Variants in HMGCLL1 observed in about 807,000 individuals in gnomAD.
HMGCLL1 encodes the protein 3-hydroxy-3-methylglutaryl-CoA lyase like 1.
HMGCLL1 carries 36 observed loss-of-function variants against 39.1 expected under a neutral mutation model. That is an observed-to-expected ratio of 0.92 (90% confidence interval 0.71 to 1.22). HMGCLL1 has a LOEUF of 1.22. HMGCLL1 is among the 50% of genes most tolerant of loss of function. HMGCLL1 has a pLI of 0.00. For synonymous variants in HMGCLL1, 149 were observed against 144.0 expected (o/e 1.03, Z -0.25); for missense variants, 451 against 416.5 (o/e 1.08, Z -0.72).
At chr6:55,670,333 C>G in the HMGCLL1 span, among the ~76,000 whole-genome samples, 1 of 151,574 alleles carries the variant, frequency 6.6e-6, no homozygotes, top group Non-Finnish European at 1.5e-5. Flanking sequence ...AGCAGGCCTG[C>G]TATTTAATAA....
intron 1 of HMGCLL1, among the ~76,000 whole-genome samples, chr6:55,545,944 T>C (rs904999408): frequency 2.0e-5 from 3 of 152,124 alleles, no homozygotes; most frequent in African/African-American, 7.2e-5. Flanking sequence ...AACACCAGCA[T>C]ATGCAATGGC....
chr6:55,648,952 A>G, the HMGCLL1 span, among the ~76,000 whole-genome samples: 1 of 151,246 alleles, frequency 6.6e-6, no homozygotes, highest in South Asian at 2.1e-4. Context: ...ATGAACATTG[A>G]TGCAAAAATC....
the HMGCLL1 span, among the ~76,000 whole-genome samples, chr6:55,620,182 TA>T: frequency 3.3e-5 from 5 of 152,162 alleles, no homozygotes; most frequent in South Asian, 4.1e-4. Flanking sequence ...GATACACTGA[TA>T]TTTTTTTCTC....
At chr6:55,626,784 G>T in the HMGCLL1 span, among the ~76,000 whole-genome samples, 1 of 151,988 alleles carries the variant, frequency 6.6e-6, no homozygotes, top group Non-Finnish European at 1.5e-5. Context: ...GACACTTTGG[G>T]CTCCTCCTAC....
At chr6:55,616,141 A>G in the HMGCLL1 span, among the ~76,000 whole-genome samples, 3 of 152,212 alleles carry the variant, frequency 2.0e-5, no homozygotes, top group Non-Finnish European at 2.9e-5. Flanking sequence ...TGTAACATTG[A>G]AGATCTTCCC....
At position 55,435,282 on chromosome 6, in the gene HMGCLL1, T is replaced by A. The variant is rs563922955; in HGVS notation, c.*380A>T. 1 of 159,698 alleles carries A rather than the reference T, an allele frequency of 6.3e-6. No individual in the cohort carries two copies. The highest frequency in any genetic ancestry group is 1.9e-4 in the East Asian group (1 of 5,364). The allele number at this position is 159,698 out of a possible 1,614,324, so 9.9% of individuals were successfully genotyped here. A position where few individuals can be genotyped will look rare whatever the true frequency, so the allele number is the denominator to read the frequency against. On this transcript the variant is annotated 3_prime_UTR_variant, in exon 9 of 9. Coordinates refer to ENST00000274901, the MANE Select transcript of HMGCLL1 (RefSeq NM_001042406.2). ...ACTCTGCATACTATGCAGGAGCTCA[T>A]AAACTACTGACAATATGTACACAGT...
intron 7 of HMGCLL1, among the ~76,000 whole-genome samples, chr6:55,451,510 A>C (rs9357863): frequency 0.3 from 45,576 of 151,836 alleles, 7,197 homozygotes; most frequent in African/African-American, 0.41. Context: ...AGATCGCGCC[A>C]TTGCACTCCT....
the HMGCLL1 span, among the ~76,000 whole-genome samples, chr6:55,636,844 G>T: frequency 1.3e-5 from 2 of 152,258 alleles, no homozygotes; most frequent in East Asian, 3.9e-4. Context: ...ATTGAAGAGA[G>T]AGTTCCTGGT....
At chr6:55,621,499 T>C in the HMGCLL1 span, among the ~76,000 whole-genome samples, 1 of 151,866 alleles carries the variant, frequency 6.6e-6, no homozygotes, top group Non-Finnish European at 1.5e-5. Context: ...TAGATTCTCA[T>C]AGTACCATGA....
At chr6:55,458,240 T>C (rs1764409310) in intron 7 of HMGCLL1, among the ~76,000 whole-genome samples, 1 of 151,114 alleles carries the variant, frequency 6.6e-6, no homozygotes, top group African/African-American at 2.5e-5. Flanking sequence ...ATTTATTGAG[T>C]TCTTATATTG....
chr6:55,603,816 T>C, the HMGCLL1 span, among the ~76,000 whole-genome samples: 1 of 152,186 alleles, frequency 6.6e-6, no homozygotes, highest in Non-Finnish European at 1.5e-5. Context: ...GTAACTCTTT[T>C]TGTAGCTTAG....
rs539355717 is a variant in HMGCLL1 at position 55,445,272 on chromosome 6, C to T, written c.796-5713G>A. The stretch of plus-strand genomic sequence containing the variant: ...TTATCCTTATACTAAATTATATGCT[C>T]GTTTTTCTAAACGAGCTGCTTTGGA... On this transcript the variant is annotated intron_variant, in intron 7 of 8. Transcript: ENST00000274901. Among the ~76,000 whole-genome samples, 10 of 151,878 alleles carry T rather than the reference C, an allele frequency of 6.6e-5. No individual in the cohort carries two copies. In the South Asian group the frequency reaches 1.0e-3, roughly 16 times the overall value.
At chr6:55,489,585 A>G (rs9475316) in intron 7 of HMGCLL1, among the ~76,000 whole-genome samples, 1,891 of 152,152 alleles carry the variant, frequency 0.012, 31 homozygotes, top group African/African-American at 0.043. Flanking sequence ...AAGAATATTT[A>G]TTTTTAAAAG....
At chr6:55,538,006 T>C (rs1769128906) in intron 3 of HMGCLL1, among the ~76,000 whole-genome samples, 1 of 152,200 alleles carries the variant, frequency 6.6e-6, no homozygotes, top group South Asian at 2.1e-4. Context: ...ACTGCCTTTT[T>C]TTTTCCTTTT....
chr6:55,514,250 C>CCATTTTGTGA, intron 4 of HMGCLL1, 54 bp from the exon 5 acceptor site: 1 of 1,379,258 alleles, frequency 7.3e-7, no homozygotes, highest in South Asian at 1.3e-5. Context: ...ATGTGAATGA[C>CCATTTTGTGA]AGTGGTAGAA....
At chr6:55,609,744 C>A in the HMGCLL1 span, among the ~76,000 whole-genome samples, 10 of 152,218 alleles carry the variant, frequency 6.6e-5, no homozygotes, top group African/African-American at 2.2e-4. Flanking sequence ...CCAACAGGGG[C>A]TGCCCAACAC....
At chr6:55,645,438 C>CA in the HMGCLL1 span, among the ~76,000 whole-genome samples, 11 of 151,804 alleles carry the variant, frequency 7.2e-5, no homozygotes, top group Non-Finnish European at 1.0e-4. Context: ...GTACTAAGTT[C>CA]AATAACAGTG....
chr6:55,460,287 A>G (rs1007440425), intron 7 of HMGCLL1, among the ~76,000 whole-genome samples: 1 of 152,000 alleles, frequency 6.6e-6, no homozygotes, highest in Admixed American at 6.6e-5. Flanking sequence ...ACAAAGGCTA[A>G]TTTATTTTAA....
At chr6:55,477,381 T>TTA (rs1765479971) in intron 7 of HMGCLL1, among the ~76,000 whole-genome samples, 1 of 36,954 alleles carries the variant, frequency 2.7e-5, no homozygotes, top group Non-Finnish European at 4.3e-5. Context: ...ATAATATATA[T>TTA]TATCTAAATA....
Sources: gnomAD v4.1 joint callset for allele counts (sites outside exome capture counted in the v4.1 genomes callset) on GRCh38, gnomAD v4.1.1 for gene constraint, MANE v1.5 for transcripts, NCBI Gene and HGNC (gene_info 2026-07-23, HGNC 2026-07-21) for gene names.